Variants in NAPA observed in about 807,000 individuals in gnomAD.
The protein encoded by NAPA is alpha-soluble NSF attachment protein.
In NAPA, 18 loss-of-function variants were observed where a neutral mutation model predicts 48.0. The observed-to-expected ratio is 0.38, with a 90% CI of 0.26 to 0.56. The LOEUF (loss-of-function observed/expected upper bound fraction) is 0.56. NAPA is among the 20% of genes least tolerant of loss of function. The probability of loss-of-function intolerance (pLI) is 0.77; values close to 1 mark genes in which losing one functional copy is unlikely to be tolerated. For synonymous variants in NAPA, 152 were observed against 149.9 expected, an observed-to-expected ratio of 1.01 and a Z score of -0.10; for missense variants, 315 against 385.0, an observed-to-expected ratio of 0.82 and a Z score of 1.52.
downstream of NAPA, among the ~76,000 whole-genome samples, chr19:47,486,354 C>CAA (rs575376324): frequency 6.9e-6 from 1 of 144,156 alleles, no homozygotes. Flanking sequence ...GACTCTGTCT[C>CAA]AAAAAAAAAA....
intron 1 of NAPA, among the ~76,000 whole-genome samples, chr19:47,513,193 C>A (rs537727419): frequency 6.6e-6 from 1 of 152,340 alleles, no homozygotes; most frequent in South Asian, 2.1e-4. Flanking sequence ...TCCTCTCAAC[C>A]CTACTAAGTC....
At chr19:47,514,810 AG>A (rs1215973943) in intron 1 of NAPA, 32 bp downstream of exon 1, 1 of 1,599,198 alleles carries the variant, frequency 6.3e-7, no homozygotes, top group South Asian at 1.1e-5. Context: ...CTCTCAGCCT[AG>A]GTCCCGGCCG....
intron 7 of NAPA, chr19:47,492,714 C>G (rs1220019800): frequency 1.5e-6 from 1 of 654,342 alleles, no homozygotes; most frequent in Admixed American, 2.1e-5. Flanking sequence ...CCAGGAAGCT[C>G]TGCGAGGGGT....
At chr19:47,489,609 G>A (rs1968183290) in intron 10 of NAPA, 102 bp downstream of exon 10, 2 of 1,336,356 alleles carry the variant, frequency 1.5e-6, no homozygotes, top group African/African-American at 1.4e-5. Context: ...CTGGGGGCCA[G>A]ATGAAATGGG....
At chr19:47,498,470 G>A (rs1199187520) in intron 3 of NAPA, among the ~76,000 whole-genome samples, 3 of 152,194 alleles carry the variant, frequency 2.0e-5, no homozygotes, top group Non-Finnish European at 4.4e-5. Context: ...TTTAACAGAC[G>A]AGGAAACAGA....
intron 1 of NAPA, among the ~76,000 whole-genome samples, chr19:47,504,451 C>T (rs1290534718): frequency 7.3e-6 from 1 of 136,212 alleles, no homozygotes; most frequent in Non-Finnish European, 1.6e-5. Flanking sequence ...TAGAAACATA[C>T]ATGTTTATAT....
chr19:47,490,208 G>T (rs192461809), intron 9 of NAPA, among the ~76,000 whole-genome samples: 3 of 146,962 alleles, frequency 2.0e-5, no homozygotes, highest in Admixed American at 1.4e-4. Context: ...TGTGTGTGTG[G>T]GGTGTGTCAT....
At chr19:47,497,222 C>T (rs538781077) in intron 3 of NAPA, 45 of 178,286 alleles carry the variant, frequency 2.5e-4, no homozygotes, top group South Asian at 1.5e-3. Context: ...CTCTCCTGGC[C>T]GGAACACCCA....
chr19:47,497,743 C>T (rs1341518523), intron 3 of NAPA, among the ~76,000 whole-genome samples: 7 of 152,270 alleles, frequency 4.6e-5, no homozygotes, highest in African/African-American at 1.7e-4. Flanking sequence ...CCTGGTTACA[C>T]TTGGTCATCT....
downstream of NAPA, among the ~76,000 whole-genome samples, chr19:47,486,432 G>A (rs971739048): frequency 6.6e-6 from 1 of 152,094 alleles, no homozygotes; most frequent in Admixed American, 6.6e-5. Context: ...TGCGGCCCCA[G>A]TCTGGATACT....
chr19:47,505,300 C>T (rs1357644944), intron 1 of NAPA: 1 of 152,182 alleles, frequency 6.6e-6, no homozygotes, highest in Non-Finnish European at 1.5e-5. Flanking sequence ...CTCACCATCC[C>T]ATCCCACACC....
At chr19:47,487,141 C>G (rs1968095841), downstream of NAPA, among the ~76,000 whole-genome samples, 1 of 152,182 alleles carries the variant, frequency 6.6e-6, no homozygotes, top group African/African-American at 2.4e-5. Context: ...TCCTCCCCCA[C>G]TCCCCAGACC....
At position 47,490,816 on chromosome 19, in the gene NAPA, G is replaced by C. The variant is rs1355409214; in HGVS notation, c.707C>G (p.Ser236Cys). 5.6e-6 allele frequency: 9 copies of C among 1,613,836 alleles called. No homozygotes were observed. The highest frequency in any genetic ancestry group is 1.3e-5 in the African/African-American group (1 of 75,044). The change falls in exon 9 of 11, where the codon TCT (serine) becomes TGT (cysteine). Residue 236 changes from serine to cysteine, a missense_variant. Ser to Cys is a moderately radical substitution (Grantham distance 112). Around this residue, in one of 3 missense-constraint regions of NAPA, gnomAD observed 137 missense variants for 150.1 expected, o/e 0.91. Coordinates refer to ENST00000263354, the MANE Select transcript of NAPA (RefSeq NM_003827.4). ...QKYEELFPAF[S>C]DSRECKLMKK... Reference sequence around the variant, plus strand: ...CATCAACTTGCATTCCCGGGAATCAGAGAAAGCTGGGAACAGCTCCTCATA... The same window carrying C: ...CATCAACTTGCATTCCCGGGAATCACAGAAAGCTGGGAACAGCTCCTCATA...
intron 3 of NAPA, among the ~76,000 whole-genome samples, chr19:47,498,058 G>A (rs1489414061): frequency 6.6e-6 from 1 of 152,220 alleles, no homozygotes; most frequent in African/African-American, 2.4e-5. Flanking sequence ...AGCCACCAAG[G>A]TGGCAGCAGG....
intron 7 of NAPA, 57 bp downstream of exon 7, chr19:47,492,904 G>A (rs1412939477): frequency 5.2e-6 from 8 of 1,551,908 alleles, no homozygotes; most frequent in Admixed American, 1.7e-5. Context: ...GGCTTAGGAG[G>A]AGGCACAGGC....
Position 47,502,369 on chromosome 19 carries a change from A to G in NAPA, c.178+1054T>C, listed in dbSNP as rs144373782. Among the ~76,000 whole-genome samples, 1,273 of 151,842 alleles carry G rather than the reference A, an allele frequency of 8.4e-3. 77 individuals carry two copies. The highest frequency in any genetic ancestry group is 0.075 in the Admixed American group (1,142 of 15,252). On this transcript the variant is annotated intron_variant, in intron 2 of 10. Transcript: ENST00000263354. Reference sequence around the variant, plus strand: ...AAATTTTAGGGGAAAAGCAACACCTATGTAATTAAAAAATAAGCTTTTTTT... The same window carrying G: ...AAATTTTAGGGGAAAAGCAACACCTGTGTAATTAAAAAATAAGCTTTTTTT...
intron 1 of NAPA, among the ~76,000 whole-genome samples, chr19:47,513,141 C>A (rs1404516762): frequency 6.6e-6 from 1 of 152,226 alleles, no homozygotes; most frequent in Non-Finnish European, 1.5e-5. Flanking sequence ...CCACCGCCCC[C>A]TGCCAAACTC....
rs772706876 is a variant in NAPA, at chr19:47,506,641, C to G, written c.99-3139G>C. Among the ~76,000 whole-genome samples the G allele has an allele frequency of 6.6e-6, 1 of 152,204 alleles. No homozygotes were observed. The highest frequency in any genetic ancestry group is 1.5e-5 in the Non-Finnish European group (1 of 68,044). The stretch of plus-strand genomic sequence containing the variant: ...CAACAATGAGCAGAGTCAGCCCAGC[C>G]GGGTTTATTTCAGGACGGACACAAA... On this transcript the variant is annotated intron_variant, in intron 1 of 10. Transcript: ENST00000263354. The surrounding 1 kb of genome is among the most constrained non-coding windows in gnomAD (Gnocchi z 4.0).
At chr19:47,512,325 G>C (rs1331650932) in intron 1 of NAPA, among the ~76,000 whole-genome samples, 1 of 151,978 alleles carries the variant, frequency 6.6e-6, no homozygotes, top group Non-Finnish European at 1.5e-5. Context: ...ATTCCTTGGG[G>C]CCCAGCTCAC....
Sources: gnomAD v4.1 joint callset for allele counts (sites outside exome capture counted in the v4.1 genomes callset) on GRCh38, gnomAD v4.1.1 for gene constraint, gnomAD v4.1.1 regional missense constraint, Gnocchi (gnomAD v3.1) non-coding constraint, MANE v1.5 for transcripts, NCBI Gene and HGNC (gene_info 2026-07-23, HGNC 2026-07-21) for gene names.